Variants in SOHLH2 observed in about 807,000 individuals in gnomAD.
SOHLH2 encodes the protein spermatogenesis- and oogenesis-specific basic helix-loop-helix-containing protein 2.
Under a neutral mutation model 50.4 loss-of-function variants are expected in SOHLH2, and 22 were observed. That is an observed-to-expected ratio of 0.44 (90% CI 0.31 to 0.62). The LOEUF is 0.62. Ranked by LOEUF, SOHLH2 falls within the 20% of genes least tolerant of loss-of-function variation. The pLI, the probability that SOHLH2 is intolerant of heterozygous loss-of-function variation, is 0.08. For synonymous variants in SOHLH2, 185 were observed against 187.3 expected (o/e 0.99, Z 0.10); for missense variants, 412 against 504.4 (o/e 0.82, Z 1.76).
intron 2 of SOHLH2, among the ~76,000 whole-genome samples, chr13:36,201,500 T>C (rs1868415691): frequency 6.6e-6 from 1 of 151,072 alleles, no homozygotes; most frequent in South Asian, 2.1e-4. Flanking sequence ...AGAAATAGCA[T>C]CTCACTCTGT....
rs1198635012 is a variant in SOHLH2, at chr13:36,214,460, C to G, written c.48+19G>C. 1 of 1,611,530 alleles carries G rather than the reference C, an allele frequency of 6.2e-7. No individual in the cohort carries two copies. The highest frequency in any genetic ancestry group is 1.3e-5 in the African/African-American group (1 of 74,856). ...GCGAGGTTATAAACGCAGCTGCCTC[C>G]CCTTCCACAGCCTCTTACCTGGCCC... On this transcript the variant is annotated intron_variant, in intron 1 of 10. Transcript: ENST00000379881.
At chr13:36,192,648 AAT>A (rs1249154240) in intron 4 of SOHLH2, among the ~76,000 whole-genome samples, 1 of 152,248 alleles carries the variant, frequency 6.6e-6, no homozygotes, top group Non-Finnish European at 1.5e-5. Context: ...ATTAAAGTAT[AAT>A]TGACAATTCG....
chr13:36,193,487 G>T, intron 4 of SOHLH2, 134 bp downstream of exon 4: 2 of 1,077,766 alleles, frequency 1.9e-6, no homozygotes, highest in Non-Finnish European at 2.6e-6. Context: ...TGAAGATGTA[G>T]TTTTTTTCTT....
chr13:36,194,014 T>TAAA, intron 2 of SOHLH2, 147 bp from the exon 3 acceptor site: 1 of 684,408 alleles, frequency 1.5e-6, no homozygotes, highest in South Asian at 3.3e-5. Context: ...GGAAATTTAG[T>TAAA]AAAAGTAGCA....
intron 1 of SOHLH2, among the ~76,000 whole-genome samples, chr13:36,204,038 C>T (rs1269897030): frequency 1.3e-5 from 2 of 150,238 alleles, no homozygotes; most frequent in African/African-American, 4.9e-5. Context: ...GTAACCTCTG[C>T]CTCCTGGGTT....
chr13:36,198,302 T>C (rs1887795765), intron 2 of SOHLH2, among the ~76,000 whole-genome samples: 1 of 152,212 alleles, frequency 6.6e-6, no homozygotes. Context: ...GTTTAAAACA[T>C]ATTTAAACTT....
Position 36,190,157 on chromosome 13 carries a change from G to A in SOHLH2, c.531-101C>T, listed in dbSNP as rs181461852. On this transcript the variant is annotated intron_variant, in intron 5 of 10. Coordinates refer to ENST00000379881, the MANE Select transcript of SOHLH2 (RefSeq NM_017826.3). ...CACTAAACAAAGGATGCTTCTCTAAGTCTCTTGCTTCATACAAAGGGGCAA... is the reference window on the plus strand; with the variant it reads ...CACTAAACAAAGGATGCTTCTCTAAATCTCTTGCTTCATACAAAGGGGCAA... 2,544 of 1,060,112 alleles carry A rather than the reference G, an allele frequency of 2.4e-3. 7 individuals are homozygous for A. The highest frequency in any genetic ancestry group is 7.7e-3 in the Middle Eastern group (33 of 4,272). The allele number at this position is 1,060,112 out of a possible 1,614,324, so 65.7% of individuals were successfully genotyped here.
intron 10 of SOHLH2, 125 bp downstream of exon 10, chr13:36,170,406 G>C: frequency 7.0e-7 from 1 of 1,430,128 alleles, no homozygotes. Flanking sequence ...AGGGTAGAGA[G>C]ACTCAGAATC....
At chr13:36,214,406 C>T in intron 1 of SOHLH2, 73 bp downstream of exon 1, 2 of 1,547,782 alleles carry the variant, frequency 1.3e-6, no homozygotes, top group Non-Finnish European at 1.8e-6. Flanking sequence ...CTTTGAGGGC[C>T]GAGGGGACCA....
At chr13:36,205,577 A>C (rs576409781) in intron 1 of SOHLH2, among the ~76,000 whole-genome samples, 63 of 152,210 alleles carry the variant, frequency 4.1e-4, no homozygotes, top group African/African-American at 1.5e-3. Flanking sequence ...TCAAGCCATC[A>C]CAGTATTGCT....
At chr13:36,181,940 G>T (rs1428300676) in intron 6 of SOHLH2, 8 of 716,962 alleles carry the variant, frequency 1.1e-5, no homozygotes, top group Non-Finnish European at 1.2e-5. Context: ...AATAATATCT[G>T]ATGGAAATAT....
At chr13:36,202,987 A>G (rs1868518393) in intron 1 of SOHLH2, among the ~76,000 whole-genome samples, 2 of 152,234 alleles carry the variant, frequency 1.3e-5, no homozygotes, top group Non-Finnish European at 2.9e-5. Context: ...TGAGGGTTGC[A>G]AGAAAGAACA....
intron 6 of SOHLH2, among the ~76,000 whole-genome samples, chr13:36,180,005 T>C (rs1246010211): frequency 2.0e-5 from 3 of 152,172 alleles, no homozygotes; most frequent in Non-Finnish European, 2.9e-5. Context: ...TTGCTGAAAT[T>C]CATTGGTAAA....
chr13:36,207,044 C>T (rs537748391), intron 1 of SOHLH2, among the ~76,000 whole-genome samples: 2 of 151,438 alleles, frequency 1.3e-5, no homozygotes, highest in African/African-American at 4.8e-5. Flanking sequence ...TTCTTCATAC[C>T]CCCTTATTTT....
intron 8 of SOHLH2, 33 bp downstream of exon 8, chr13:36,174,443 C>T: frequency 6.2e-7 from 1 of 1,608,044 alleles, no homozygotes; most frequent in East Asian, 2.2e-5. Flanking sequence ...AAATAACTAG[C>T]AGACTTCAGA....
At chr13:36,214,449 G>A (rs373680472) in intron 1 of SOHLH2, 30 bp downstream of exon 1, 12 of 1,607,754 alleles carry the variant, frequency 7.5e-6, no homozygotes, top group Non-Finnish European at 1.0e-5. Context: ...GGTTATAAAC[G>A]CAGCTGCCTC....
At chr13:36,203,944 CTTTT>C in intron 1 of SOHLH2, among the ~76,000 whole-genome samples, 1 of 131,142 alleles carries the variant, frequency 7.6e-6, no homozygotes. Flanking sequence ...GCCTTTAATT[CTTTT>C]TTTTTGTTTT....
At chr13:36,210,584 A>ACAATCAT (rs1869059395) in intron 1 of SOHLH2, among the ~76,000 whole-genome samples, 1 of 152,088 alleles carries the variant, frequency 6.6e-6, no homozygotes, top group Non-Finnish European at 1.5e-5. Flanking sequence ...TATTTACTTG[A>ACAATCAT]AGGAATCATC....
intron 10 of SOHLH2, among the ~76,000 whole-genome samples, chr13:36,169,979 T>C (rs1207360710): frequency 6.6e-6 from 1 of 152,230 alleles, no homozygotes; most frequent in Non-Finnish European, 1.5e-5. Context: ...AGGGCAGGGA[T>C]CGTGTCTACC....
Sources: gnomAD v4.1 joint callset for allele counts (sites outside exome capture counted in the v4.1 genomes callset) on GRCh38, gnomAD v4.1.1 for gene constraint, MANE v1.5 for transcripts, NCBI Gene and HGNC (gene_info 2026-07-23, HGNC 2026-07-21) for gene names.